ERI1: variants seen among roughly 807,000 people sequenced by gnomAD.
ERI1 encodes the protein exoribonuclease 1.
In ERI1, 39 loss-of-function variants were observed where a neutral mutation model predicts 39.7. That is an observed-to-expected ratio of 0.98 (90% CI 0.76 to 1.28). The LOEUF is 1.28. ERI1 is among the 50% of genes most tolerant of loss of function. ERI1 has a pLI of 0.00. For synonymous variants in ERI1, 204 were observed against 149.6 expected, an observed-to-expected ratio of 1.36 and a Z score of -2.65; for missense variants, 581 against 416.9, an observed-to-expected ratio of 1.39 and a Z score of -3.43.
intron 3 of ERI1, among the ~76,000 whole-genome samples, chr8:9,064,710 A>T (rs1335609809): frequency 6.6e-6 from 1 of 152,118 alleles, no homozygotes; most frequent in African/African-American, 2.4e-5. Flanking sequence ...TCCTAGGTGG[A>T]TCTTTTTCAC....
At chr8:9,040,244 AC>A (rs765758712) in intron 3 of ERI1, among the ~76,000 whole-genome samples, 3 of 151,872 alleles carry the variant, frequency 2.0e-5, no homozygotes, top group Non-Finnish European at 4.4e-5. Context: ...CATTACTTTC[AC>A]TTTACCACAT....
rs887524881 is a variant in ERI1, at chr8:9,004,028, C to T, written c.108+857C>T. On this transcript the variant is annotated intron_variant, in intron 1 of 6. Transcript: ENST00000250263. ...GCTCTGCGGGGTCGGGTGCCTGCCT[C>T]CCTTGGTAATTGCATCTCACACAGT... The T allele has an allele frequency of 4.8e-6, 6 of 1,258,330 alleles. No individual in the cohort carries two copies. In the African/African-American group the frequency reaches 7.7e-5, roughly 16 times the overall value. 77.9% of individuals were successfully genotyped at this position (1,258,330 alleles called of 1,614,324 possible).
At chr8:9,023,024 A>T (rs1272470595) in intron 6 of ERI1, among the ~76,000 whole-genome samples, 1 of 152,200 alleles carries the variant, frequency 6.6e-6, no homozygotes, top group Non-Finnish European at 1.5e-5. Context: ...TTCCTTCATC[A>T]AATAGTCATA....
downstream of ERI1, among the ~76,000 whole-genome samples, chr8:9,035,451 A>G (rs965564965): frequency 6.6e-6 from 1 of 151,936 alleles, no homozygotes; most frequent in Admixed American, 6.6e-5. Context: ...TGCTAAATCT[A>G]CTCTGCCTGT....
intron 3 of ERI1, among the ~76,000 whole-genome samples, chr8:9,061,395 G>A (rs1193580978): frequency 6.6e-6 from 1 of 151,992 alleles, no homozygotes; most frequent in Non-Finnish European, 1.5e-5. Flanking sequence ...AAGGACCCGG[G>A]GAGCAGAAAG....
chr8:9,067,349 G>A (rs1798909120), intron 3 of ERI1, among the ~76,000 whole-genome samples: 1 of 150,340 alleles, frequency 6.7e-6, no homozygotes, highest in Admixed American at 6.6e-5. Flanking sequence ...TATTATAAAG[G>A]TCATGATGGG....
At chr8:9,044,896 G>A (rs1563353515) in intron 3 of ERI1, among the ~76,000 whole-genome samples, 2 of 152,064 alleles carry the variant, frequency 1.3e-5, no homozygotes, top group South Asian at 2.1e-4. Flanking sequence ...CACATGGTGA[G>A]AACTGTTCTG....
chr8:9,004,422 A>G lies in ERI1; in HGVS notation c.108+1251A>G, dbSNP rs538352377. 4.7e-4 allele frequency: 179 copies of G among 379,342 alleles called. 5 individuals carry two copies. The South Asian group carries it at 7.3e-3, about 15-fold the overall frequency. 23.5% of individuals were successfully genotyped at this position (379,342 alleles called of 1,614,324 possible). ...ACTTAAGGCCTAGGTCTCTGTTCCA[A>G]ATTGGCTTTAGTGACGGTAGTAATT... On this transcript the variant is annotated intron_variant, in intron 1 of 6. Coordinates refer to ENST00000250263, the MANE Select transcript of ERI1 (RefSeq NM_153332.4).
At chr8:9,011,435 A>G (rs899757984) in intron 2 of ERI1, 107 bp from the exon 3 acceptor site, 3 of 605,926 alleles carry the variant, frequency 5.0e-6, no homozygotes, top group Non-Finnish European at 8.1e-6. Flanking sequence ...AGCATTTGCT[A>G]AATTTCGCTG....
At chr8:9,013,313 C>G (rs1174842374) in intron 3 of ERI1, among the ~76,000 whole-genome samples, 1 of 140,588 alleles carries the variant, frequency 7.1e-6, no homozygotes, top group Admixed American at 7.8e-5. Flanking sequence ...CCATGCCCGG[C>G]CATTCTCACT....
At chr8:9,008,942 A>C in intron 2 of ERI1, 1 of 453,296 alleles carries the variant, frequency 2.2e-6, no homozygotes, top group South Asian at 1.6e-5. Context: ...TCTTCAAAAG[A>C]GCACAAATTT....
chr8:9,052,249 G>A (rs1010670930), intron 3 of ERI1, among the ~76,000 whole-genome samples: 1 of 151,950 alleles, frequency 6.6e-6, no homozygotes, highest in African/African-American at 2.4e-5. Context: ...CAGTGTTTTT[G>A]TCTCTCTCTG....
chr8:9,017,477 TTATGTGTATATAGACG>T (rs1239576976), intron 4 of ERI1, among the ~76,000 whole-genome samples: 1 of 152,202 alleles, frequency 6.6e-6, no homozygotes, highest in Non-Finnish European at 1.5e-5. Flanking sequence ...GTATATATCT[TTATGTGTATATAGACG>T]TATGTCTGTG....
intron 6 of ERI1, among the ~76,000 whole-genome samples, chr8:9,023,362 C>T (rs927669994): frequency 6.6e-6 from 1 of 151,800 alleles, no homozygotes; most frequent in Admixed American, 6.6e-5. Flanking sequence ...CCTTTAGGTT[C>T]TTTTTTTGCT....
chr8:9,008,709 TAATTTTTTGCGAAACAAATCAC>T (rs1417300917), intron 2 of ERI1, among the ~76,000 whole-genome samples: 2 of 152,224 alleles, frequency 1.3e-5, no homozygotes, highest in Admixed American at 1.3e-4. Flanking sequence ...AAGTTTTTAG[TAATTTTTTGCGAAACAAATCAC>T]TTTACGTTCA....
chr8:9,052,314 A>G (rs1384760976), intron 3 of ERI1, among the ~76,000 whole-genome samples: 4 of 151,592 alleles, frequency 2.6e-5, no homozygotes, highest in Non-Finnish European at 2.9e-5. Flanking sequence ...AGGACTAGAT[A>G]TACTTTTTTT....
At chr8:9,060,440 G>A (rs1247096704) in intron 3 of ERI1, among the ~76,000 whole-genome samples, 2 of 152,012 alleles carry the variant, frequency 1.3e-5, no homozygotes, top group African/African-American at 2.4e-5. Context: ...GATGTGTAGC[G>A]AAGGGAGGGG....
intron 3 of ERI1, among the ~76,000 whole-genome samples, chr8:9,081,559 C>T (rs1799366785): frequency 6.6e-6 from 1 of 152,178 alleles, no homozygotes; most frequent in Non-Finnish European, 1.5e-5. Flanking sequence ...TGGGATCCCT[C>T]TTCCCCTCTG....
chr8:9,027,149 A>G (rs11775447), intron 6 of ERI1, among the ~76,000 whole-genome samples: 57,708 of 141,556 alleles, frequency 0.41, 12,063 homozygotes, highest in Non-Finnish European at 0.47. Flanking sequence ...GTGTGTGTGT[A>G]TGTGTGTGTG....
Sources: gnomAD v4.1 joint callset for allele counts (sites outside exome capture counted in the v4.1 genomes callset) on GRCh38, gnomAD v4.1.1 for gene constraint, MANE v1.5 for transcripts, NCBI Gene and HGNC (gene_info 2026-07-23, HGNC 2026-07-21) for gene names.